Variants in CTNNA2 observed in about 807,000 individuals in gnomAD.
The protein encoded by CTNNA2 is catenin alpha 2, also known as catenin alpha-2.
In CTNNA2, 42 loss-of-function variants were observed where a neutral mutation model predicts 101.0. The ratio of observed to expected loss-of-function variants is 0.42; its 90% CI spans 0.32 to 0.54. CTNNA2 has a LOEUF of 0.54. CTNNA2 is among the 20% of genes least tolerant of loss of function. The pLI, the probability that CTNNA2 is intolerant of heterozygous loss-of-function variation, is 0.14. For missense variants in CTNNA2, 871 were observed against 1,223.1 expected (o/e 0.71, Z 4.29); for synonymous variants, 450 against 456.4 (o/e 0.99, Z 0.18).
intron 6 of CTNNA2, among the ~76,000 whole-genome samples, chr2:79,893,996 CT>C (rs1558619361): frequency 5.9e-4 from 31 of 52,160 alleles, no homozygotes; most frequent in South Asian, 2.2e-3. Flanking sequence ...CTGTTTTCTT[CT>C]TCTTCTTCTT....
chr2:79,787,892 G>T (rs1674972237), intron 3 of CTNNA2, among the ~76,000 whole-genome samples: 1 of 151,922 alleles, frequency 6.6e-6, no homozygotes, highest in Non-Finnish European at 1.5e-5. Flanking sequence ...CATGCACGGT[G>T]CCTTTTGCTA....
chr2:80,502,519 A>G (rs927462009), intron 9 of CTNNA2, among the ~76,000 whole-genome samples: 3 of 152,176 alleles, frequency 2.0e-5, no homozygotes, highest in African/African-American at 7.2e-5. Flanking sequence ...CACTGCTTTT[A>G]TTTTCATTTT....
intron 2 of CTNNA2, among the ~76,000 whole-genome samples, chr2:79,230,256 A>C (rs1254122478): frequency 6.6e-6 from 1 of 152,122 alleles, no homozygotes; most frequent in Non-Finnish European, 1.5e-5. Context: ...GGAGGAAGAA[A>C]TTGTTTTGTT....
chr2:79,290,586 G>A (rs1402069851), intron 2 of CTNNA2, among the ~76,000 whole-genome samples: 1 of 152,106 alleles, frequency 6.6e-6, no homozygotes, highest in Non-Finnish European at 1.5e-5. Context: ...GAACACACCA[G>A]CAGAAGAACA....
intron 1 of CTNNA2, among the ~76,000 whole-genome samples, chr2:79,610,497 G>A (rs1193238369): frequency 6.6e-6 from 1 of 152,094 alleles, no homozygotes; most frequent in Non-Finnish European, 1.5e-5. Flanking sequence ...AATATATAAT[G>A]CATGTCACAA....
At chr2:80,300,114 A>C (rs1676110128) in intron 7 of CTNNA2, among the ~76,000 whole-genome samples, 1 of 152,244 alleles carries the variant, frequency 6.6e-6, no homozygotes, top group South Asian at 2.1e-4. Flanking sequence ...GATTATGCTT[A>C]AATTCAAAAC....
At chr2:79,483,060 G>A (rs1247844958) in intron 4 of CTNNA2, among the ~76,000 whole-genome samples, 5 of 152,212 alleles carry the variant, frequency 3.3e-5, no homozygotes. Context: ...CAGCTTGTAA[G>A]ACAAAAGTTT....
intron 7 of CTNNA2, among the ~76,000 whole-genome samples, chr2:80,253,386 A>G (rs1469776667): frequency 1.3e-5 from 2 of 152,186 alleles, no homozygotes; most frequent in African/African-American, 4.8e-5. Context: ...AAAACAGGGT[A>G]TGTCCAGATA....
chr2:80,383,885 C>T (rs1010632378), intron 7 of CTNNA2, among the ~76,000 whole-genome samples: 2 of 152,138 alleles, frequency 1.3e-5, no homozygotes, highest in Admixed American at 1.3e-4. Flanking sequence ...TATTGCAGCA[C>T]TCTTCACAAT....
chr2:79,667,071 A>G (rs1682470064), intron 2 of CTNNA2, among the ~76,000 whole-genome samples: 1 of 152,232 alleles, frequency 6.6e-6, no homozygotes, highest in Non-Finnish European at 1.5e-5. Context: ...TTTGCCATGC[A>G]AACCCTAAAG....
At chr2:79,734,476 G>T (rs1687390506) in intron 2 of CTNNA2, among the ~76,000 whole-genome samples, 1 of 152,068 alleles carries the variant, frequency 6.6e-6, no homozygotes, top group Non-Finnish European at 1.5e-5. Flanking sequence ...TAAATTGTAA[G>T]ACTCATTCTT....
intron 7 of CTNNA2, among the ~76,000 whole-genome samples, chr2:80,040,562 C>T (rs942721683): frequency 2.6e-5 from 4 of 152,128 alleles, no homozygotes; most frequent in African/African-American, 9.7e-5. Flanking sequence ...CAGTTATTTA[C>T]ATTGTTGGGC....
intron 7 of CTNNA2, among the ~76,000 whole-genome samples, chr2:80,337,361 AAACC>A (rs1461564492): frequency 6.6e-6 from 1 of 151,950 alleles, no homozygotes; most frequent in African/African-American, 2.4e-5. Context: ...TCTCAAAAAA[AAACC>A]AACCAAACAA....
intron 9 of CTNNA2, among the ~76,000 whole-genome samples, chr2:80,534,150 T>G (rs759080121): frequency 5.3e-5 from 8 of 152,146 alleles, no homozygotes; most frequent in Non-Finnish European, 1.2e-4. Flanking sequence ...TGTGTATCCC[T>G]AAGAACACAG....
At chr2:80,276,424 A>C (rs1273750224) in intron 7 of CTNNA2, among the ~76,000 whole-genome samples, 1 of 152,158 alleles carries the variant, frequency 6.6e-6, no homozygotes, top group Non-Finnish European at 1.5e-5. Context: ...TTCTGACACT[A>C]CCTAGAGTGT....
intron 3 of CTNNA2, among the ~76,000 whole-genome samples, chr2:79,372,896 C>A (rs1159669394): frequency 6.6e-6 from 1 of 152,154 alleles, no homozygotes; most frequent in East Asian, 1.9e-4. Flanking sequence ...ACTTTTTAAA[C>A]CTGGACTTCC....
chr2:79,862,605 T>C lies in CTNNA2; in HGVS notation c.465+4426T>C, dbSNP rs117015433. ...GTATTACCTTCATGCAGCTGCATTG[T>C]TCATGATTTATTTATTTATTCAGTT... On this transcript the variant is annotated intron_variant, in intron 4 of 18. Coordinates refer to ENST00000402739, the MANE Select transcript of CTNNA2 (RefSeq NM_001282597.3). Among the ~76,000 whole-genome samples the C allele has an allele frequency of 8.5e-4, 129 of 152,310 alleles. 2 individuals carry two copies. In the East Asian group the frequency reaches 0.024, roughly 29 times the overall value.
intron 9 of CTNNA2, among the ~76,000 whole-genome samples, chr2:80,499,574 G>A (rs1251337718): frequency 6.6e-6 from 1 of 151,918 alleles, no homozygotes; most frequent in Non-Finnish European, 1.5e-5. Flanking sequence ...TGTAATCCCA[G>A]CACTTTGGGA....
At chr2:79,947,007 C>T (rs548973298) in intron 7 of CTNNA2, among the ~76,000 whole-genome samples, 1 of 152,308 alleles carries the variant, frequency 6.6e-6, no homozygotes, top group South Asian at 2.1e-4. Context: ...GAATTATACA[C>T]ACTAAAAATT....
Sources: gnomAD v4.1 joint callset for allele counts (sites outside exome capture counted in the v4.1 genomes callset) on GRCh38, gnomAD v4.1.1 for gene constraint, MANE v1.5 for transcripts, NCBI Gene and HGNC (gene_info 2026-07-23, HGNC 2026-07-21) for gene names.